The following CACNA2D3 variants were observed in gnomAD, a reference collection of about 807,000 sequenced individuals.
CACNA2D3 encodes the protein voltage-dependent calcium channel subunit alpha-2/delta-3.
CACNA2D3 carries 60 observed loss-of-function variants against 160.6 expected under a neutral mutation model. The ratio of observed to expected loss-of-function variants is 0.37; its 90% CI spans 0.30 to 0.46. The LOEUF is 0.46. Ranked by LOEUF, CACNA2D3 falls within the 20% of genes least tolerant of loss-of-function variation. The probability of loss-of-function intolerance (pLI) is 1.00; values close to 1 mark genes in which losing one functional copy is unlikely to be tolerated. For synonymous variants in CACNA2D3, 558 were observed against 492.9 expected, an observed-to-expected ratio of 1.13 and a Z score of -1.75; for missense variants, 1,205 against 1,365.0, an observed-to-expected ratio of 0.88 and a Z score of 1.85.
At chr3:54,401,083 A>T (rs1699453496) in intron 4 of CACNA2D3, among the ~76,000 whole-genome samples, 2 of 152,128 alleles carry the variant, frequency 1.3e-5, no homozygotes, top group Admixed American at 6.5e-5. Context: ...GAGCTGAAGA[A>T]TTCAATGAAT....
intron 27 of CACNA2D3, among the ~76,000 whole-genome samples, chr3:54,927,591 C>T (rs1220436715): frequency 1.3e-5 from 2 of 152,074 alleles, no homozygotes; most frequent in African/African-American, 4.8e-5. Flanking sequence ...TTTGTTCATT[C>T]TTTCTTTGGT....
At chr3:54,972,629 A>G (rs1575415919) in intron 29 of CACNA2D3, among the ~76,000 whole-genome samples, 1 of 151,632 alleles carries the variant, frequency 6.6e-6, no homozygotes, top group African/African-American at 2.4e-5. Context: ...CCTTAGATCC[A>G]CTCCAGCCCC....
At chr3:54,490,009 G>A (rs1380250088) in intron 4 of CACNA2D3, among the ~76,000 whole-genome samples, 2 of 152,156 alleles carry the variant, frequency 1.3e-5, no homozygotes, top group Non-Finnish European at 2.9e-5. Flanking sequence ...TAGCAATGAT[G>A]TTACTTCCCC....
chr3:54,572,633 T>G (rs1575353391), intron 8 of CACNA2D3, among the ~76,000 whole-genome samples: 1 of 152,348 alleles, frequency 6.6e-6, no homozygotes, highest in South Asian at 2.1e-4. Flanking sequence ...ATCATGAAAT[T>G]ATATGGCCTT....
At chr3:54,385,428 T>A (rs750340240) in intron 3 of CACNA2D3, among the ~76,000 whole-genome samples, 9 of 152,232 alleles carry the variant, frequency 5.9e-5, no homozygotes, top group Non-Finnish European at 1.2e-4. Flanking sequence ...CTCCTGGCTC[T>A]GGCCTCTGAT....
intron 2 of CACNA2D3, among the ~76,000 whole-genome samples, chr3:54,162,383 T>C (rs1700361904): frequency 6.6e-6 from 1 of 152,076 alleles, no homozygotes; most frequent in African/African-American, 2.4e-5. Context: ...TTTGCTCACA[T>C]GCATGTACTG....
intron 33 of CACNA2D3, 73 bp downstream of exon 33, chr3:55,007,915 G>T (rs1302483252): frequency 6.6e-5 from 66 of 997,760 alleles, no homozygotes; most frequent in Non-Finnish European, 9.3e-5. Flanking sequence ...TGATCTAAGA[G>T]ATTGTGAGTC....
intron 17 of CACNA2D3, among the ~76,000 whole-genome samples, chr3:54,858,688 G>A (rs932979847): frequency 2.6e-5 from 4 of 152,192 alleles, no homozygotes; most frequent in African/African-American, 7.2e-5. Flanking sequence ...AGCACATCTT[G>A]TTTGTCTCCG....
chr3:54,817,006 G>A, intron 14 of CACNA2D3, 136 bp downstream of exon 14: 2 of 1,048,996 alleles, frequency 1.9e-6, no homozygotes, highest in Non-Finnish European at 1.4e-6. Context: ...CTGAAGTTGG[G>A]CAGGAACAGA....
intron 2 of CACNA2D3, among the ~76,000 whole-genome samples, chr3:54,173,600 G>T (rs1167377401): frequency 3.3e-5 from 5 of 152,138 alleles, no homozygotes; most frequent in Non-Finnish European, 7.4e-5. Flanking sequence ...CCCCATCTGA[G>T]AACAGCACCT....
intron 13 of CACNA2D3, among the ~76,000 whole-genome samples, chr3:54,776,243 G>A (rs1180498246): frequency 6.6e-6 from 1 of 152,242 alleles, no homozygotes; most frequent in Non-Finnish European, 1.5e-5. Context: ...GCTGCCTGCA[G>A]TGGCTTATAC....
At chr3:54,936,143 T>C (rs1701322738) in intron 27 of CACNA2D3, among the ~76,000 whole-genome samples, 1 of 151,806 alleles carries the variant, frequency 6.6e-6, no homozygotes, top group African/African-American at 2.4e-5. Flanking sequence ...TTAAACAGTT[T>C]TTTATCACGA....
At chr3:54,303,838 T>C (rs1265216488) in intron 2 of CACNA2D3, among the ~76,000 whole-genome samples, 3 of 130,602 alleles carry the variant, frequency 2.3e-5, no homozygotes, top group South Asian at 4.9e-4. Context: ...TTTTTTTTTT[T>C]CTATTGCTTA....
chr3:54,359,452 G>C (rs1374213720), intron 3 of CACNA2D3, among the ~76,000 whole-genome samples: 1 of 152,148 alleles, frequency 6.6e-6, no homozygotes, highest in South Asian at 2.1e-4. Context: ...CAGCTCAAGT[G>C]AGTGAGCTGG....
rs1223247247 is a variant in CACNA2D3, at chr3:54,217,299, C to T, written c.204+93705C>T. Among the ~76,000 whole-genome samples, 3 of 152,304 alleles carry T rather than the reference C, an allele frequency of 2.0e-5. 1 individual carries two copies. ...TCTGCCGCCTCCTCCTCCCTGCAGCCTCAGCCAGTGGCAGTGTCCCTTCCC... is the reference window on the plus strand; with the variant it reads ...TCTGCCGCCTCCTCCTCCCTGCAGCTTCAGCCAGTGGCAGTGTCCCTTCCC... On this transcript the variant is annotated intron_variant, in intron 2 of 37. Transcript: ENST00000474759.
intron 11 of CACNA2D3, among the ~76,000 whole-genome samples, chr3:54,659,767 G>A (rs1699935097): frequency 6.6e-6 from 1 of 152,182 alleles, no homozygotes; most frequent in Non-Finnish European, 1.5e-5. Context: ...GGTGATGATT[G>A]CTGTCATTTA....
At chr3:55,033,743 A>ATTTAT (rs1559469437) in intron 35 of CACNA2D3, among the ~76,000 whole-genome samples, 1 of 108,896 alleles carries the variant, frequency 9.2e-6, no homozygotes, top group Non-Finnish European at 1.8e-5. Context: ...TTTATATAAT[A>ATTTAT]TATATTATAT....
chr3:54,863,464 C>T (rs935033591), intron 17 of CACNA2D3, among the ~76,000 whole-genome samples: 6 of 152,120 alleles, frequency 3.9e-5, no homozygotes, highest in Non-Finnish European at 1.5e-5. Context: ...ACGAAAGGTT[C>T]CTCCCAGCTC....
intron 2 of CACNA2D3, among the ~76,000 whole-genome samples, chr3:54,297,509 A>G (rs149274217): frequency 6.6e-6 from 1 of 152,216 alleles, no homozygotes; most frequent in African/African-American, 2.4e-5. Flanking sequence ...AACCTCGTTT[A>G]TATTTTCCCA....
Sources: gnomAD v4.1 joint callset for allele counts (sites outside exome capture counted in the v4.1 genomes callset) on GRCh38, gnomAD v4.1.1 for gene constraint, MANE v1.5 for transcripts, NCBI Gene and HGNC (gene_info 2026-07-23, HGNC 2026-07-21) for gene names.